CCDC3: variants seen among roughly 807,000 people sequenced by gnomAD.
CCDC3 encodes coiled-coil domain-containing protein 3.
In CCDC3, 24 loss-of-function variants were observed where a neutral mutation model predicts 21.4. The observed-to-expected ratio is 1.12, with a 90% confidence interval of 0.81 to 1.58. The LOEUF is 1.58. Among genes scored for constraint, CCDC3 ranks in the 40% most tolerant of loss-of-function variants. CCDC3 has a pLI of 0.00. For synonymous variants in CCDC3, 186 were observed against 166.0 expected, an observed-to-expected ratio of 1.12 and a Z score of -0.93; for missense variants, 425 against 360.9, an observed-to-expected ratio of 1.18 and a Z score of -1.44.
At chr10:12,931,379 G>A (rs1490471806) in intron 2 of CCDC3, among the ~76,000 whole-genome samples, 1 of 152,142 alleles carries the variant, frequency 6.6e-6, no homozygotes, top group Non-Finnish European at 1.5e-5. Context: ...TTCTTCTGGG[G>A]TTACTTCCTC....
At chr10:13,006,194 T>C (rs1018750219), upstream of CCDC3, among the ~76,000 whole-genome samples, 29 of 152,338 alleles carry the variant, frequency 1.9e-4, no homozygotes, top group African/African-American at 5.3e-4. Context: ...AGCAGGAGAA[T>C]TGACATAGCC....
intron 2 of CCDC3, among the ~76,000 whole-genome samples, chr10:12,934,164 T>C (rs1004575278): frequency 1.3e-5 from 2 of 152,248 alleles, no homozygotes; most frequent in Non-Finnish European, 2.9e-5. Flanking sequence ...TGAAAATATT[T>C]CGAAATTTTT....
chr10:13,009,197 G>A (rs998014421), intron 5 of CCDC3, among the ~76,000 whole-genome samples: 10 of 152,028 alleles, frequency 6.6e-5, no homozygotes, highest in African/African-American at 2.4e-4. Flanking sequence ...GAAATACTTA[G>A]AAATAAATCT....
intron 2 of CCDC3, among the ~76,000 whole-genome samples, chr10:12,917,458 A>T (rs1834378328): frequency 6.6e-6 from 1 of 151,982 alleles, no homozygotes; most frequent in Non-Finnish European, 1.5e-5. Context: ...GGCCTCCCAA[A>T]GTGCTGGGAT....
intron 3 of CCDC3, among the ~76,000 whole-genome samples, chr10:13,085,869 A>T (rs940450031): frequency 3.3e-5 from 5 of 152,072 alleles, no homozygotes; most frequent in Non-Finnish European, 5.9e-5. Context: ...CAGGAGGTTG[A>T]GGCAGGAGAA....
intron 5 of CCDC3, among the ~76,000 whole-genome samples, chr10:13,047,760 A>C (rs1306689817): frequency 6.6e-6 from 1 of 152,162 alleles, no homozygotes; most frequent in African/African-American, 2.4e-5. Flanking sequence ...CAGAGGGACT[A>C]AGGCCTGAGA....
chr10:12,911,990 T>C (rs1834277667), intron 2 of CCDC3, among the ~76,000 whole-genome samples: 1 of 152,208 alleles, frequency 6.6e-6, no homozygotes, highest in Admixed American at 6.5e-5. Context: ...TTTTTAAGGG[T>C]GCATAGTATT....
chr10:13,015,067 T>A lies in CCDC3; in HGVS notation c.-1-16555A>T, dbSNP rs181612630. Among the ~76,000 whole-genome samples, 476 of 152,264 alleles carry A rather than the reference T, an allele frequency of 3.1e-3. 6 individuals are homozygous for A. The highest frequency in any genetic ancestry group is 0.02 in the Middle Eastern group (6 of 294). The stretch of plus-strand genomic sequence containing the variant: ...ATATTTTTAAACATTCTAAAAGGCA[T>A]GCATGTGATATAACGTTAAGTGAAA... On this transcript the variant is annotated intron_variant, in intron 5 of 6. Coordinates refer to the CCDC3 transcript ENST00000378839.
chr10:13,029,066 TG>T (rs1441352155), intron 5 of CCDC3, among the ~76,000 whole-genome samples: 3 of 152,166 alleles, frequency 2.0e-5, no homozygotes, highest in Non-Finnish European at 2.9e-5. Context: ...GGTGTGTAAC[TG>T]GGTGCAGGAG....
intron 5 of CCDC3, among the ~76,000 whole-genome samples, chr10:13,034,986 A>G (rs1026784996): frequency 3.3e-5 from 5 of 151,770 alleles, no homozygotes; most frequent in African/African-American, 9.7e-5. Flanking sequence ...AGATCACGCC[A>G]TTACACTCCA....
rs4750291 is a variant in CCDC3 at position 12,964,101 on chromosome 10, G to C, written c.549+34237C>G. ...AGAATCACATTTTCCAGCCGGGAGC[G>C]GTGGCTCATGCCTGTGATTCCAACA... is the stretch of plus-strand genomic sequence containing the variant. On this transcript the variant is annotated intron_variant, in intron 2 of 2. Coordinates refer to ENST00000378825, the MANE Select transcript of CCDC3 (RefSeq NM_031455.4). Among the ~76,000 whole-genome samples, 4 of 152,172 alleles carry C rather than the reference G, an allele frequency of 2.6e-5. No individual in the cohort carries two copies. The South Asian group carries it at 8.3e-4, about 32-fold the overall frequency.
intron 3 of CCDC3, among the ~76,000 whole-genome samples, chr10:13,077,747 A>C (rs1323268502): frequency 6.6e-6 from 1 of 152,242 alleles, no homozygotes. Flanking sequence ...TGACAAAAAC[A>C]AGCAATGGGG....
intron 5 of CCDC3, among the ~76,000 whole-genome samples, chr10:13,017,516 C>CAAAA (rs60969932): frequency 2.4e-4 from 27 of 111,672 alleles, no homozygotes; most frequent in Middle Eastern, 9.8e-3. Flanking sequence ...GACTCCATCT[C>CAAAA]AAAAAAAAAA....
chr10:13,027,137 G>A (rs996599726), intron 5 of CCDC3, among the ~76,000 whole-genome samples: 1 of 152,128 alleles, frequency 6.6e-6, no homozygotes, highest in Non-Finnish European at 1.5e-5. Context: ...GAAGAATAGG[G>A]AGTTGGTCTA....
At chr10:12,911,247 T>C (rs11812616) in intron 2 of CCDC3, among the ~76,000 whole-genome samples, 65,048 of 152,056 alleles carry the variant, frequency 0.43, 15,062 homozygotes, top group Middle Eastern at 0.54. Flanking sequence ...GATTTCCTTA[T>C]TAATGGCTAA....
chr10:13,026,685 A>T lies in CCDC3; in HGVS notation c.-2+22989T>A, dbSNP rs182419188. Reference sequence around the variant, plus strand: ...ATGAAACTACAGGTAATTGTTTTTTAAAGAGATTTAAAATCCAGCCAAAAA... The same window carrying T: ...ATGAAACTACAGGTAATTGTTTTTTTAAGAGATTTAAAATCCAGCCAAAAA... On this transcript the variant is annotated intron_variant, in intron 5 of 6. Transcript: ENST00000378839. 3.9e-5 allele frequency among the ~76,000 whole-genome samples: 6 copies of T among 152,334 alleles called. No individual in the cohort carries two copies. In the East Asian group the frequency reaches 1.2e-3, roughly 29 times the overall value.
chr10:13,046,256 A>C (rs1359006173), intron 5 of CCDC3, among the ~76,000 whole-genome samples: 1 of 151,966 alleles, frequency 6.6e-6, no homozygotes, highest in Non-Finnish European at 1.5e-5. Context: ...AAATAAAAAC[A>C]TTAGCTGGGC....
At chr10:12,921,758 T>C (rs932727394) in intron 2 of CCDC3, among the ~76,000 whole-genome samples, 3 of 152,032 alleles carry the variant, frequency 2.0e-5, no homozygotes, top group African/African-American at 7.2e-5. Flanking sequence ...GTTTTTTGTT[T>C]TTAAGACAGG....
In CCDC3 at chr10:12,917,180, C is replaced by CTTTT. The variant is rs56054100; in HGVS notation, c.550-18505_550-18502dup. ...GTTGGAAATGTCCTTATTTCTTCTTCTTTTTTTTTTTTTTTTTTTTTTTTT... is the reference window on the plus strand; with the variant it reads ...GTTGGAAATGTCCTTATTTCTTCTTCTTTTTTTTTTTTTTTTTTTTTTTTTTTTT... On this transcript the variant is annotated intron_variant, in intron 2 of 2. Coordinates refer to ENST00000378825, the MANE Select transcript of CCDC3 (RefSeq NM_031455.4). Among the ~76,000 whole-genome samples, 20 of 58,236 alleles carry CTTTT rather than the reference C, an allele frequency of 3.4e-4. 1 individual carries two copies. The highest frequency in any genetic ancestry group is 1.4e-3 in the African/African-American group (20 of 14,798). The allele number at this position is 58,236 out of a possible 152,430, so 38.2% of individuals were successfully genotyped here.
Sources: gnomAD v4.1 joint callset for allele counts (sites outside exome capture counted in the v4.1 genomes callset) on GRCh38, gnomAD v4.1.1 for gene constraint, MANE v1.5 for transcripts, NCBI Gene and HGNC (gene_info 2026-07-23, HGNC 2026-07-21) for gene names.